The following STK3 variants were observed in gnomAD, a reference collection of about 807,000 sequenced individuals.
The protein encoded by STK3 is serine/threonine-protein kinase 3.
STK3 carries 41 observed loss-of-function variants against 58.0 expected under a neutral mutation model. The observed-to-expected ratio is 0.71, with a 90% CI of 0.55 to 0.92. STK3 has a LOEUF of 0.92. STK3 is among the 40% of genes least tolerant of loss of function. STK3 has a pLI of 0.00. For synonymous variants in STK3, 170 were observed against 191.0 expected, an observed-to-expected ratio of 0.89 and a Z score of 0.91; for missense variants, 479 against 602.7, an observed-to-expected ratio of 0.79 and a Z score of 2.15.
chr8:98,505,211 T>C (rs1377430403), intron 10 of STK3, among the ~76,000 whole-genome samples: 1 of 152,228 alleles, frequency 6.6e-6, no homozygotes, highest in African/African-American at 2.4e-5. Flanking sequence ...ATGTGTCACG[T>C]AGTTCTCCTG....
chr8:98,708,848 C>A (rs1282991130), intron 4 of STK3, among the ~76,000 whole-genome samples: 1 of 151,194 alleles, frequency 6.6e-6, no homozygotes, highest in Non-Finnish European at 1.5e-5. Context: ...GAGGGGCTGT[C>A]TTTTGTCATT....
chr8:98,890,839 C>G (rs1838171911), intron 1 of STK3, among the ~76,000 whole-genome samples: 1 of 152,140 alleles, frequency 6.6e-6, no homozygotes, highest in Non-Finnish European at 1.5e-5. Context: ...ACAGATAAAC[C>G]ATTATTTTTG....
At chr8:98,794,012 T>C (rs529328241) in intron 1 of STK3, among the ~76,000 whole-genome samples, 2 of 152,074 alleles carry the variant, frequency 1.3e-5, no homozygotes, top group Admixed American at 6.5e-5. Context: ...AAACAGAGTA[T>C]CAAAATCTCT....
intron 6 of STK3, among the ~76,000 whole-genome samples, chr8:98,701,680 TCA>T (rs936023354): frequency 4.1e-5 from 6 of 146,912 alleles, no homozygotes; most frequent in South Asian, 2.1e-4. Context: ...ACACACACAC[TCA>T]CACACACACA....
chr8:98,572,743 C>T (rs895371951), intron 8 of STK3, among the ~76,000 whole-genome samples: 5 of 152,000 alleles, frequency 3.3e-5, no homozygotes, highest in African/African-American at 1.2e-4. Flanking sequence ...TGCAGGGCAA[C>T]AACAGATAAA....
chr8:98,814,437 G>A (rs1246760022), intron 1 of STK3, among the ~76,000 whole-genome samples: 1 of 150,372 alleles, frequency 6.7e-6, no homozygotes, highest in African/African-American at 2.5e-5. Flanking sequence ...CAACCTCCTA[G>A]GCTCAAGCAA....
At chr8:98,515,892 G>C (rs1183623206) in intron 10 of STK3, among the ~76,000 whole-genome samples, 1 of 151,966 alleles carries the variant, frequency 6.6e-6, no homozygotes, top group Non-Finnish European at 1.5e-5. Flanking sequence ...GATAATAATA[G>C]TACCTTCTGT....
intron 10 of STK3, among the ~76,000 whole-genome samples, chr8:98,510,284 T>C (rs1824406990): frequency 6.6e-6 from 1 of 152,116 alleles, no homozygotes; most frequent in Non-Finnish European, 1.5e-5. Flanking sequence ...GCCACAAATA[T>C]GCAAGTCCTA....
chr8:98,408,398 C>T (rs1471585716), intron 3 of STK3, among the ~76,000 whole-genome samples: 5 of 152,238 alleles, frequency 3.3e-5, no homozygotes, highest in African/African-American at 1.2e-4. Flanking sequence ...TGATGTAGAA[C>T]AGATCAATTT....
intron 3 of STK3, among the ~76,000 whole-genome samples, chr8:98,409,492 C>A (rs1051215609): frequency 6.6e-6 from 1 of 152,228 alleles, no homozygotes; most frequent in African/African-American, 2.4e-5. Context: ...GCTGTCTGGC[C>A]AGCAAAGGCC....
At chr8:98,633,755 G>A (rs754641695) in intron 6 of STK3, 10 of 583,416 alleles carry the variant, frequency 1.7e-5, no homozygotes, top group Non-Finnish European at 2.5e-5. Flanking sequence ...ACCAGCAAGA[G>A]CCAGAGAAGA....
chr8:98,780,820 G>A (rs1050926897), intron 1 of STK3, among the ~76,000 whole-genome samples: 15 of 151,994 alleles, frequency 9.9e-5, no homozygotes, highest in African/African-American at 3.4e-4. Flanking sequence ...TTTCAGAAGA[G>A]ACAAAATCAT....
intron 6 of STK3, among the ~76,000 whole-genome samples, chr8:98,636,947 G>A (rs1274350172): frequency 6.6e-6 from 1 of 151,806 alleles, no homozygotes; most frequent in Non-Finnish European, 1.5e-5. Flanking sequence ...AAAATAATAT[G>A]CCAAGTTCCT....
intron 10 of STK3, among the ~76,000 whole-genome samples, chr8:98,505,927 C>G (rs1824025914): frequency 6.6e-6 from 1 of 152,210 alleles, no homozygotes; most frequent in South Asian, 2.1e-4. Context: ...CTACTCTCTT[C>G]AGAGCTGTCA....
chr8:98,872,750 C>T (rs1837424624), intron 3 of STK3, among the ~76,000 whole-genome samples: 2 of 151,962 alleles, frequency 1.3e-5, no homozygotes, highest in Admixed American at 1.3e-4. Context: ...ATTAGTCTTG[C>T]TAGTGGTCTA....
chr8:98,889,748 G>A (rs563787205), intron 1 of STK3: 4 of 152,290 alleles, frequency 2.6e-5, no homozygotes, highest in Non-Finnish European at 5.9e-5. Context: ...TTCAGGGCTT[G>A]TTAAAATACA....
At chr8:98,715,234 T>G (rs1057414569) in intron 4 of STK3, among the ~76,000 whole-genome samples, 1 of 152,212 alleles carries the variant, frequency 6.6e-6, no homozygotes, top group African/African-American at 2.4e-5. Context: ...AAGGACTTCA[T>G]GTCTAAAACA....
chr8:98,619,338 G>T (rs1285543872), intron 6 of STK3, among the ~76,000 whole-genome samples: 2 of 151,750 alleles, frequency 1.3e-5, no homozygotes, highest in Non-Finnish European at 2.9e-5. Context: ...AGATTTAAAC[G>T]TTAGTCCTAA....
intron 6 of STK3, among the ~76,000 whole-genome samples, chr8:98,687,221 T>C (rs527885406): frequency 6.6e-6 from 1 of 152,274 alleles, no homozygotes; most frequent in African/African-American, 2.4e-5. Flanking sequence ...CTCCAAACTT[T>C]TTGGCGCAAG....
Sources: gnomAD v4.1 joint callset for allele counts (sites outside exome capture counted in the v4.1 genomes callset) on GRCh38, gnomAD v4.1.1 for gene constraint, MANE v1.5 for transcripts, NCBI Gene and HGNC (gene_info 2026-07-23, HGNC 2026-07-21) for gene names.